Variants in KCNMA1 observed in about 807,000 individuals in gnomAD.
KCNMA1 encodes potassium calcium-activated channel subfamily M alpha 1.
Under a neutral mutation model 140.0 loss-of-function variants are expected in KCNMA1, and 29 were observed. That is an observed-to-expected ratio of 0.21 (90% CI 0.15 to 0.28). The LOEUF (loss-of-function observed/expected upper bound fraction) is 0.28, where lower values mean the gene tolerates loss of function less well. Among genes scored for constraint, KCNMA1 ranks in the 10% least tolerant of loss-of-function variants. The probability of loss-of-function intolerance (pLI) is 1.00; values close to 1 mark genes in which losing one functional copy is unlikely to be tolerated. For synonymous variants in KCNMA1, 612 were observed against 611.9 expected, an observed-to-expected ratio of 1.00 and a Z score of 0.00; for missense variants, 880 against 1,602.2, an observed-to-expected ratio of 0.55 and a Z score of 7.70.
At chr10:77,499,572 C>G (rs1470004052) in intron 1 of KCNMA1, among the ~76,000 whole-genome samples, 1 of 151,974 alleles carries the variant, frequency 6.6e-6, no homozygotes, top group African/African-American at 2.4e-5. Context: ...AAGCTGATAT[C>G]TGATGTCTCC....
chr10:77,240,962 CG>C (rs1300432857), intron 3 of KCNMA1, among the ~76,000 whole-genome samples: 1 of 152,180 alleles, frequency 6.6e-6, no homozygotes, highest in Non-Finnish European at 1.5e-5. Context: ...TTCCAAAACT[CG>C]GGAGAAAAGC....
At chr10:77,204,731 G>C (rs1461351042) in intron 3 of KCNMA1, among the ~76,000 whole-genome samples, 1 of 152,166 alleles carries the variant, frequency 6.6e-6, no homozygotes, top group Non-Finnish European at 1.5e-5. Context: ...TAAGATGATA[G>C]TTCCCCTTAA....
intron 14 of KCNMA1, among the ~76,000 whole-genome samples, chr10:77,047,328 C>T (rs1429223815): frequency 1.3e-5 from 2 of 152,160 alleles, no homozygotes; most frequent in African/African-American, 2.4e-5. Context: ...AGATTTCTTC[C>T]ATCAGGCATT....
At chr10:77,508,581 C>CTTTTTTTTTTTTTTTTTTTTTCTT (rs761735012) in intron 1 of KCNMA1, among the ~76,000 whole-genome samples, 1 of 99,874 alleles carries the variant, frequency 1.0e-5, no homozygotes, top group Non-Finnish European at 1.9e-5. Flanking sequence ...TTTTTCTTTT[C>CTTTTTTTTTTTTTTTTTTTTTCTT]TTTTTTTTTT....
chr10:77,065,777 T>C (rs916531222), intron 14 of KCNMA1, among the ~76,000 whole-genome samples: 61 of 152,244 alleles, frequency 4.0e-4, no homozygotes, highest in African/African-American at 1.4e-3. Context: ...ACTTTTATTA[T>C]ATTTCAATAA....
intron 1 of KCNMA1, among the ~76,000 whole-genome samples, chr10:77,521,170 A>T (rs2053261267): frequency 6.6e-6 from 1 of 152,190 alleles, no homozygotes; most frequent in African/African-American, 2.4e-5. Flanking sequence ...AGCATGTGCA[A>T]AGGCCCTGAG....
chr10:77,620,770 A>C (rs946258506), intron 1 of KCNMA1, among the ~76,000 whole-genome samples: 5 of 152,198 alleles, frequency 3.3e-5, no homozygotes, highest in Non-Finnish European at 7.3e-5. Context: ...TGCCATTAAG[A>C]ATTATGGGCT....
At chr10:77,430,649 G>A (rs2097133520) in intron 1 of KCNMA1, among the ~76,000 whole-genome samples, 2 of 152,124 alleles carry the variant, frequency 1.3e-5, no homozygotes, top group Admixed American at 6.5e-5. Flanking sequence ...GGCACTTTTT[G>A]CAGACATAGT....
chr10:77,386,002 C>T (rs76931419), intron 2 of KCNMA1, among the ~76,000 whole-genome samples: 28 of 152,162 alleles, frequency 1.8e-4, no homozygotes, highest in Admixed American at 1.2e-3. Flanking sequence ...ATCCATAGGA[C>T]GTGCCTCCTA....
intron 1 of KCNMA1, among the ~76,000 whole-genome samples, chr10:77,582,012 G>A (rs1012516174): frequency 6.6e-6 from 1 of 152,232 alleles, no homozygotes; most frequent in African/African-American, 2.4e-5. Context: ...CAGCAAACCA[G>A]GAGACATACC....
chr10:76,930,517 G>C (rs1394156890), intron 23 of KCNMA1, among the ~76,000 whole-genome samples: 1 of 152,168 alleles, frequency 6.6e-6, no homozygotes, highest in East Asian at 1.9e-4. Flanking sequence ...CTTGTACACT[G>C]CTGGTGGGAA....
intron 1 of KCNMA1, among the ~76,000 whole-genome samples, chr10:77,623,361 G>A (rs1180888056): frequency 6.6e-6 from 1 of 152,108 alleles, no homozygotes; most frequent in East Asian, 1.9e-4. Context: ...GTACTACGGT[G>A]GCAATCACTA....
intron 19 of KCNMA1, among the ~76,000 whole-genome samples, chr10:76,989,384 C>A (rs1174484660): frequency 6.6e-6 from 1 of 152,088 alleles, no homozygotes; most frequent in Admixed American, 6.6e-5. Flanking sequence ...ACAGGACCTA[C>A]CACGATGTTG....
At chr10:77,368,443 C>G (rs988540400) in intron 2 of KCNMA1, among the ~76,000 whole-genome samples, 1 of 152,158 alleles carries the variant, frequency 6.6e-6, no homozygotes, top group African/African-American at 2.4e-5. Context: ...GGCTATAAAG[C>G]CTTCTGTAAT....
intron 1 of KCNMA1, among the ~76,000 whole-genome samples, chr10:77,550,687 T>G (rs2062610130): frequency 6.6e-6 from 1 of 152,158 alleles, no homozygotes; most frequent in African/African-American, 2.4e-5. Flanking sequence ...GCAAGGATTG[T>G]GTGTACTCCC....
intron 1 of KCNMA1, among the ~76,000 whole-genome samples, chr10:77,495,879 T>G (rs147909509): frequency 3.3e-4 from 51 of 152,254 alleles, no homozygotes; most frequent in African/African-American, 1.2e-3. Context: ...GAGCCACCAG[T>G]ACCCCCGCGG....
chr10:77,405,106 C>T (rs1330770729), intron 1 of KCNMA1, among the ~76,000 whole-genome samples: 5 of 152,114 alleles, frequency 3.3e-5, no homozygotes, highest in African/African-American at 4.8e-5. Flanking sequence ...ACACAGGGGC[C>T]GAAACTGTAA....
intron 1 of KCNMA1, among the ~76,000 whole-genome samples, chr10:77,613,614 T>G (rs2087938297): frequency 6.6e-6 from 1 of 152,216 alleles, no homozygotes; most frequent in African/African-American, 2.4e-5. Context: ...ATGATTCACC[T>G]CTGTGCTGTT....
Position 77,506,596 on chromosome 10 carries a change from A to AGAGAGAGTGTGTGTGTGTGTGT in KCNMA1, c.379-102574_379-102573insACACACACACACACACTCTCTC. Among the ~76,000 whole-genome samples the AGAGAGAGTGTGTGTGTGTGTGT allele has an allele frequency of 1.3e-3, 108 of 83,544 alleles. 4 individuals are homozygous for AGAGAGAGTGTGTGTGTGTGTGT. The highest frequency in any genetic ancestry group is 7.0e-3 in the African/African-American group (94 of 13,388). 54.8% of individuals were successfully genotyped at this position (83,544 alleles called of 152,430 possible). ...TAGAGAGAGAGAGAGAGAGAGAGAG[A>AGAGAGAGTGTGTGTGTGTGTGT]GTGTGTGTGTGTGTGTGTGTGTGTT... On this transcript the variant is annotated intron_variant, in intron 1 of 27. Transcript: ENST00000286628.
Sources: allele counts gnomAD v4.1 joint callset (sites outside exome capture counted in the v4.1 genomes callset), GRCh38; gene constraint gnomAD v4.1.1; transcripts MANE v1.5; gene names NCBI Gene and HGNC (gene_info 2026-07-23, HGNC 2026-07-21).